C11orf16: variants seen among roughly 807,000 people sequenced by gnomAD.
C11orf16 encodes chromosome 11 open reading frame 16.
In C11orf16, 38 loss-of-function variants were observed where a neutral mutation model predicts 45.1. The observed-to-expected ratio is 0.84, with a 90% CI of 0.65 to 1.10. C11orf16 has a LOEUF of 1.10. Ranked by LOEUF, C11orf16 falls within the 50% of genes least tolerant of loss-of-function variation. The pLI, the probability that C11orf16 is intolerant of heterozygous loss-of-function variation, is 0.00. For missense variants in C11orf16, 583 were observed against 569.5 expected, an observed-to-expected ratio of 1.02 and a Z score of -0.24; for synonymous variants, 221 against 222.0, an observed-to-expected ratio of 1.00 and a Z score of 0.04.
chr11:8,930,913 A>C (rs1354567598), intron 2 of C11orf16, among the ~76,000 whole-genome samples: 2 of 152,154 alleles, frequency 1.3e-5, no homozygotes, highest in Non-Finnish European at 2.9e-5. Context: ...AGCCTTGAAC[A>C]GGATGGTCCA....
At position 8,925,562 on chromosome 11, in the gene C11orf16, GA is replaced by G; in HGVS notation, c.1104del (p.Ile370SerfsTer7). 6.2e-7 allele frequency: 1 copy of G among 1,614,238 alleles called. No homozygotes were observed. Among genetic ancestry groups the G allele is most frequent in the Non-Finnish European group, 8.5e-7 (1 of 1,180,024 alleles). ...RLMVNSAVNT[D>X]PIFLEMPLRQ... ...CTCAGAGGCATCTCAAGAAAGATGG[GA>G]TCTGTGTTGACTGCACTGTTCACCA... On this transcript the variant is annotated frameshift_variant, in exon 5 of 7. Coordinates refer to ENST00000326053, the MANE Select transcript of C11orf16 (RefSeq NM_020643.3). LOFTEE classifies it high-confidence loss of function.
In C11orf16 at chr11:8,929,425, C is replaced by T. The variant is rs868489806; in HGVS notation, c.276G>A (p.Arg92=). The change falls in exon 3 of 7, where the codon AGG becomes AGA. Residue 92 remains arginine, a synonymous_variant. Transcript: ENST00000326053. ...CCCGGTAGTAAAAACCATCTGCTTC[C>T]CTTCTTGCTAGGACCCATGTGTTGG... ...DAANTWVLAR[R]EADGFYYRAQ... 6.2e-7 allele frequency: 1 copy of T among 1,614,162 alleles called. No individual in the cohort carries two copies. The highest frequency in any genetic ancestry group is 8.5e-7 in the Non-Finnish European group (1 of 1,180,024).
At chr11:8,922,348 G>T (rs913227144) in intron 5 of C11orf16, among the ~76,000 whole-genome samples, 2 of 151,654 alleles carry the variant, frequency 1.3e-5, no homozygotes, top group African/African-American at 4.8e-5. Flanking sequence ...CCACCAGCCT[G>T]GGTGACATAG....
chr11:8,932,738 A>C (rs973083706), intron 1 of C11orf16, among the ~76,000 whole-genome samples, 163 bp downstream of exon 1: 2 of 152,150 alleles, frequency 1.3e-5, no homozygotes, highest in African/African-American at 2.4e-5. Context: ...TTCTGGCCTC[A>C]GGCAAGCTGA....
chr11:8,920,321 C>T lies in C11orf16; in HGVS notation c.*152G>A, dbSNP rs930858993. ...TGCTGCTTATCTGCAGGGAGGTCTT[C>T]GTGGGGTGGAGATACTGGTGGTTAT... On this transcript the variant is annotated 3_prime_UTR_variant, in exon 7 of 7. Coordinates refer to ENST00000326053, the MANE Select transcript of C11orf16 (RefSeq NM_020643.3). 8.7e-5 allele frequency: 46 copies of T among 529,314 alleles called. No individual in the cohort carries two copies. The highest frequency in any genetic ancestry group is 1.4e-4 in the Non-Finnish European group (42 of 300,390). 32.8% of individuals were successfully genotyped at this position (529,314 alleles called of 1,614,324 possible).
At chr11:8,920,925 G>C (rs1292002042) in intron 6 of C11orf16, among the ~76,000 whole-genome samples, 1 of 152,132 alleles carries the variant, frequency 6.6e-6, no homozygotes. Flanking sequence ...CTCTCATTTT[G>C]AACACAAACC....
At chr11:8,929,755 G>C (rs2064638366) in intron 2 of C11orf16, among the ~76,000 whole-genome samples, 1 of 152,192 alleles carries the variant, frequency 6.6e-6, no homozygotes. Context: ...TGGTGGATTG[G>C]GAGTTGGTTC....
In C11orf16 at chr11:8,926,087, T is replaced by C; in HGVS notation, c.580A>G (p.Thr194Ala). 1 of 1,600,656 alleles carries C rather than the reference T, an allele frequency of 6.2e-7. No individual in the cohort carries two copies. The highest frequency in any genetic ancestry group is 1.1e-5 in the South Asian group (1 of 90,438). The change falls in exon 5 of 7, where the codon ACT (threonine) becomes GCT (alanine). Residue 194 changes from threonine to alanine, a missense_variant. Coordinates refer to ENST00000326053, the MANE Select transcript of C11orf16 (RefSeq NM_020643.3). Reference protein sequence around the residue: ...PQRASKEKEITVHFWNGKAAK... With the variant: ...PQRASKEKEIAVHFWNGKAAK... ...GCTTTGCCATTCCAGAAATGAACAG[T>C]GATTTCTTTTTCCTTTGATGCTACA...
chr11:8,924,600 T>C (rs1276372465), intron 5 of C11orf16, among the ~76,000 whole-genome samples: 1 of 152,094 alleles, frequency 6.6e-6, no homozygotes, highest in African/African-American at 2.4e-5. Context: ...GTGGCTGTCC[T>C]AGAAATAGGG....
Position 8,921,437 on chromosome 11 carries a change from G to T in C11orf16, c.1283C>A (p.Thr428Asn), listed in dbSNP as rs773550221. The part of the protein sequence containing the change: ...QRAQTAVVGT[T>N]KELVSKATHM... The stretch of plus-strand genomic sequence containing the variant: ...GGTTGCTTTCGAGACCAGCTCCTTG[G>T]TAGTCCCCACTACTGCAGTTTGTGC... Residue 428 changes from threonine (T) to asparagine (N), a missense_variant, in exon 6 of 7, where the codon ACC becomes AAC. Transcript: ENST00000326053. 15 of 1,614,066 alleles carry T rather than the reference G, an allele frequency of 9.3e-6. No homozygotes were observed. Among genetic ancestry groups the T allele is most frequent in the Non-Finnish European group, 1.2e-5 (14 of 1,180,032 alleles).
rs570920391 is a variant in C11orf16, at chr11:8,920,341, GGT to G, written c.*130_*131del. On this transcript the variant is annotated 3_prime_UTR_variant, in exon 7 of 7. Transcript: ENST00000326053. ...GTCTTCGTGGGGTGGAGATACTGGT[GGT>G]TATTTGACTGTTACCTGTGGCCTGT... is the stretch of plus-strand genomic sequence containing the variant. 4.0e-3 allele frequency: 2,304 copies of G among 578,740 alleles called. 17 individuals carry two copies. The Middle Eastern group carries it at 0.041, about 10-fold the overall frequency. The allele number at this position is 578,740 out of a possible 1,614,324, so 35.9% of individuals were successfully genotyped here.
intron 2 of C11orf16, 80 bp downstream of exon 2, chr11:8,932,062 C>G: frequency 7.1e-7 from 1 of 1,401,370 alleles, no homozygotes; most frequent in Non-Finnish European, 9.5e-7. Context: ...AGTCTGTCCA[C>G]CAAGGTCTAC....
chr11:8,921,841 A>G (rs2064576980), intron 5 of C11orf16, among the ~76,000 whole-genome samples: 2 of 152,042 alleles, frequency 1.3e-5, no homozygotes, highest in East Asian at 1.9e-4. Flanking sequence ...CGGTCTCACT[A>G]TGTTGCCCAG....
intron 2 of C11orf16, among the ~76,000 whole-genome samples, chr11:8,930,905 C>T (rs2064645446): frequency 6.6e-6 from 1 of 152,106 alleles, no homozygotes; most frequent in Admixed American, 6.6e-5. Context: ...TTAACTCTAG[C>T]CTTGAACAGG....
intron 4 of C11orf16, among the ~76,000 whole-genome samples, chr11:8,926,493 C>G (rs1333471882): frequency 1.3e-5 from 2 of 152,092 alleles, no homozygotes; most frequent in Non-Finnish European, 2.9e-5. Context: ...GCCTGAGCCT[C>G]CCTGCCTCCT....
chr11:8,927,141 C>T lies in C11orf16; in HGVS notation c.358G>A (p.Glu120Lys), dbSNP rs772030237. 8.7e-6 allele frequency: 14 copies of T among 1,613,844 alleles called. No homozygotes were observed. Among genetic ancestry groups the T allele is most frequent in the Non-Finnish European group, 1.2e-5 (14 of 1,179,994 alleles). Residue 120 changes from glutamate (E) to lysine (K), a missense_variant, in exon 4 of 7, where the codon GAG (glutamate) becomes AAG (lysine). Glu to Lys is a moderately conservative substitution (Grantham distance 56, BLOSUM62 1). Coordinates refer to ENST00000326053, the MANE Select transcript of C11orf16 (RefSeq NM_020643.3). ...ERQGVLLVEF[E>K]APLVAGPKLP... ...TTTGGGCCTGCGACAAGAGGAGCCTCGAATTCCACAAGCAGGACCCCCTGT... is the reference window on the plus strand; with the variant it reads ...TTTGGGCCTGCGACAAGAGGAGCCTTGAATTCCACAAGCAGGACCCCCTGT...
At chr11:8,932,602 T>C (rs1358200037) in intron 1 of C11orf16, among the ~76,000 whole-genome samples, 11 of 152,186 alleles carry the variant, frequency 7.2e-5, no homozygotes, top group Non-Finnish European at 1.5e-5. Flanking sequence ...GGCTGTGTGC[T>C]CACTTAACCT....
chr11:8,921,000 C>A (rs1252585836), intron 6 of C11orf16, among the ~76,000 whole-genome samples: 1 of 152,054 alleles, frequency 6.6e-6, no homozygotes, highest in Non-Finnish European at 1.5e-5. Context: ...GCTATATTAT[C>A]ATTCTTAGTG....
At chr11:8,930,204 G>A (rs190604828) in intron 2 of C11orf16, among the ~76,000 whole-genome samples, 91 of 152,062 alleles carry the variant, frequency 6.0e-4, no homozygotes, top group Non-Finnish European at 7.2e-4. Context: ...CGAGATGGGC[G>A]GATCACGAGG....
Sources: allele counts gnomAD v4.1 joint callset (sites outside exome capture counted in the v4.1 genomes callset), GRCh38; gene constraint gnomAD v4.1.1; transcripts MANE v1.5; gene names NCBI Gene and HGNC (gene_info 2026-07-23, HGNC 2026-07-21).